The following DTX2 variants were observed in gnomAD, a reference collection of about 807,000 sequenced individuals.
DTX2 encodes the protein probable E3 ubiquitin-protein ligase DTX2.
A neutral mutation model predicts 55.3 loss-of-function variants in DTX2; 29 were observed. The observed-to-expected ratio is 0.52, with a 90% CI of 0.39 to 0.71. The LOEUF is 0.71. Ranked by LOEUF, DTX2 falls within the 30% of genes least tolerant of loss-of-function variation. The pLI is 0.00. For synonymous variants in DTX2, 276 were observed against 340.4 expected, an observed-to-expected ratio of 0.81 and a Z score of 2.08; for missense variants, 537 against 822.5, an observed-to-expected ratio of 0.65 and a Z score of 4.25.
intron 2 of DTX2, among the ~76,000 whole-genome samples, chr7:76,466,907 C>G (rs1807250548): frequency 6.6e-6 from 1 of 151,348 alleles, no homozygotes; most frequent in African/African-American, 2.4e-5. Context: ...CTATTTCTTT[C>G]TTTTTTTAGA....
intron 7 of DTX2, chr7:76,502,078 G>A: frequency 1.8e-6 from 1 of 541,996 alleles, no homozygotes; most frequent in Middle Eastern, 4.9e-4. Flanking sequence ...GTAGAGATGG[G>A]GTTTTCCCGT....
chr7:76,476,695 A>T (rs1368347132), intron 2 of DTX2, among the ~76,000 whole-genome samples: 1 of 150,976 alleles, frequency 6.6e-6, no homozygotes, highest in East Asian at 2.0e-4. Context: ...TAGAGGGAGG[A>T]TCAATTGCTA....
At chr7:76,477,678 G>A (rs1257531603) in intron 2 of DTX2, among the ~76,000 whole-genome samples, 1 of 136,948 alleles carries the variant, frequency 7.3e-6, no homozygotes, top group Non-Finnish European at 1.6e-5. Context: ...CATGCCTGTA[G>A]TCCCAGCTGC....
At chr7:76,467,207 C>T (rs1807282584) in intron 2 of DTX2, among the ~76,000 whole-genome samples, 1 of 146,270 alleles carries the variant, frequency 6.8e-6, no homozygotes, top group African/African-American at 2.5e-5. Context: ...CAGTGTTCAT[C>T]TTTCGTAGCT....
rs751764209 is a variant in DTX2, at chr7:76,502,338, G to A, written c.1271G>A (p.Gly424Glu). ...ICMEKLSTAS[G>E]YSDVTDSKAI... ...ATGGAGAAGCTGTCCACAGCGTCTGGATACAGCGATGTGACTGACAGCAAG... is the reference window on the plus strand; with the variant it reads ...ATGGAGAAGCTGTCCACAGCGTCTGAATACAGCGATGTGACTGACAGCAAG... The change falls in exon 8 of 11, where the codon GGA becomes GAA. Residue 424 changes from glycine to glutamate, a missense_variant. By Grantham distance (98) the Gly-to-Glu change is moderately conservative (BLOSUM62 -2). Around this residue, in one of 7 missense-constraint regions of DTX2, gnomAD observed 121 missense variants for 136.8 expected, o/e 0.88. Coordinates refer to ENST00000430490, the MANE Select transcript of DTX2 (RefSeq NM_001102594.3). 3 of 1,609,894 alleles carry A rather than the reference G, an allele frequency of 1.9e-6. No homozygotes were observed. Among genetic ancestry groups the A allele is most frequent in the Middle Eastern group, 1.7e-4 (1 of 5,952 alleles).
At chr7:76,480,854 G>T in intron 3 of DTX2, 77 bp downstream of exon 3, 1 of 1,456,932 alleles carries the variant, frequency 6.9e-7, no homozygotes, top group Non-Finnish European at 9.1e-7. Flanking sequence ...AGGTGTTGGG[G>T]TGATGGACGT....
rs3748133 is a variant in DTX2 at position 76,505,264 on chromosome 7, C to G, written c.1642-110C>G. 6 of 927,442 alleles carry G rather than the reference C, an allele frequency of 6.5e-6. No homozygotes were observed. The highest frequency in any genetic ancestry group is 8.2e-6 in the Non-Finnish European group (5 of 608,628). The allele number at this position is 927,442 out of a possible 1,614,324, so 57.5% of individuals were successfully genotyped here. ...TGAGTGCCAGGGAGTGGATGAGTCA[C>G]CTGGGAGGGGCTGGGATGGGAAGAA... On this transcript the variant is annotated intron_variant, in intron 10 of 10. Coordinates refer to ENST00000430490, the MANE Select transcript of DTX2 (RefSeq NM_001102594.3). The surrounding 1 kb of genome is among the most constrained non-coding windows in gnomAD (Gnocchi z 4.4).
chr7:76,502,360 C>G lies in DTX2; in HGVS notation c.1293C>G (p.Ser431Arg). Reference protein sequence around the residue: ...TASGYSDVTDSKAIGSLAVGH... With the variant: ...TASGYSDVTDRKAIGSLAVGH... ...CTGGATACAGCGATGTGACTGACAG[C>G]AAGGCAATCGGGTCCCTAGCTGTGG... Residue 431 changes from serine (S) to arginine (R), a missense_variant, in exon 8 of 11, where the codon AGC becomes AGG. By Grantham distance (110) the Ser-to-Arg change is moderately radical. Transcript: ENST00000430490. 4 of 1,612,208 alleles carry G rather than the reference C, an allele frequency of 2.5e-6. No individual in the cohort carries two copies. Among genetic ancestry groups the G allele is most frequent in the Non-Finnish European group, 3.4e-6 (4 of 1,179,752 alleles).
Position 76,503,737 on chromosome 7 carries a change from C to A in DTX2, c.1551+150C>A. ...CCCTAAGGCCAGAGCCATGGAGGGC[C>A]GGGAATGGGGAGGCAGTGCCGGGGC... On this transcript the variant is annotated intron_variant, in intron 9 of 10. Transcript: ENST00000430490. 8.0e-6 allele frequency: 7 copies of A among 876,586 alleles called. 2 individuals are homozygous for A. Among genetic ancestry groups the A allele is most frequent in the Non-Finnish European group, 1.2e-5 (7 of 599,428 alleles). 54.3% of individuals were successfully genotyped at this position (876,586 alleles called of 1,614,324 possible).
chr7:76,475,463 G>A (rs2116299740), intron 2 of DTX2, among the ~76,000 whole-genome samples: 1 of 148,894 alleles, frequency 6.7e-6, no homozygotes, highest in Middle Eastern at 3.4e-3. Flanking sequence ...GAGGCGGGTG[G>A]ATCACTTGAG....
At chr7:76,469,360 A>ATATT (rs1554631123) in intron 2 of DTX2, among the ~76,000 whole-genome samples, 1 of 81,298 alleles carries the variant, frequency 1.2e-5, no homozygotes, top group Non-Finnish European at 2.5e-5. Flanking sequence ...TGAAATCTAG[A>ATATT]TTTTTTTTTT....
intron 6 of DTX2, among the ~76,000 whole-genome samples, chr7:76,499,002 G>C (rs113834200): frequency 2.0e-5 from 1 of 51,136 alleles, no homozygotes; most frequent in Non-Finnish European, 3.6e-5. Flanking sequence ...GGTGTGTAGG[G>C]TGTGTAGAAG....
chr7:76,493,811 T>G (rs1421366428), intron 5 of DTX2, among the ~76,000 whole-genome samples: 15 of 112,244 alleles, frequency 1.3e-4, no homozygotes, highest in East Asian at 5.6e-4. Flanking sequence ...GGCGGGGGGT[T>G]GTGAGGGGGG....
rs368597411 is a variant in DTX2, at chr7:76,503,421, G to C, written c.1390-5G>C. On this transcript the variant is annotated splice_polypyrimidine_tract_variant and splice_region_variant and intron_variant, in intron 8 of 10. Coordinates refer to ENST00000430490, the MANE Select transcript of DTX2 (RefSeq NM_001102594.3). Reference sequence around the variant, plus strand: ...AGCTCAGTGGGTTGCGTCTGCCTCTGTCAGGATGGAAGTCTGCAGTGTCCC... The same window carrying C: ...AGCTCAGTGGGTTGCGTCTGCCTCTCTCAGGATGGAAGTCTGCAGTGTCCC... 1.4e-4 allele frequency: 232 copies of C among 1,611,758 alleles called. 1 individual carries two copies. The East Asian group carries it at 1.6e-3, about 11-fold the overall frequency.
At chr7:76,491,228 C>A (rs1028841156) in intron 4 of DTX2, among the ~76,000 whole-genome samples, 1 of 151,276 alleles carries the variant, frequency 6.6e-6, no homozygotes, top group Admixed American at 6.6e-5. Context: ...GAACTCCTGA[C>A]CTCGCGATCC....
intron 2 of DTX2, among the ~76,000 whole-genome samples, chr7:76,472,770 G>C (rs1224988311): frequency 6.6e-6 from 1 of 151,612 alleles, no homozygotes; most frequent in Non-Finnish European, 1.5e-5. Flanking sequence ...GAAAAAAAAA[G>C]GTCTTCTATC....
At chr7:76,467,922 G>A (rs1251415173) in intron 2 of DTX2, among the ~76,000 whole-genome samples, 2 of 152,292 alleles carry the variant, frequency 1.3e-5, no homozygotes, top group Non-Finnish European at 2.9e-5. Flanking sequence ...ATCCTGACCT[G>A]CCCTGGGCAC....
At chr7:76,486,876 T>TGCG (rs1285590372) in intron 4 of DTX2, among the ~76,000 whole-genome samples, 1 of 136,828 alleles carries the variant, frequency 7.3e-6, no homozygotes, top group Non-Finnish European at 1.6e-5. Context: ...CTGCTGCTGC[T>TGCG]GCTGCTGCTG....
rs150741596 is a variant in DTX2 at position 76,480,766 on chromosome 7, G to T, written c.257G>T (p.Arg86Leu). The T allele has an allele frequency of 6.9e-6, 11 of 1,604,316 alleles. No homozygotes were observed. Among genetic ancestry groups the T allele is most frequent in the South Asian group, 1.1e-5 (1 of 90,182 alleles). The change falls in exon 3 of 11, where the codon CGC (arginine) becomes CTC (leucine). Residue 86 changes from arginine (R) to leucine (L), a missense_variant. Transcript: ENST00000430490. ...GACCTCCCCAGCTGGACCCAGTTCC[G>T]CCAGGACACCGGTAAGACGCTGTCT... ...IIDLPSWTQF[R>L]QDTGTMRAVR...
Sources: gnomAD v4.1 joint callset for allele counts (sites outside exome capture counted in the v4.1 genomes callset) on GRCh38, gnomAD v4.1.1 for gene constraint, gnomAD v4.1.1 regional missense constraint, Gnocchi (gnomAD v3.1) non-coding constraint, MANE v1.5 for transcripts, NCBI Gene and HGNC (gene_info 2026-07-23, HGNC 2026-07-21) for gene names.